Variants in MAD1L1 observed in about 807,000 individuals in gnomAD.
MAD1L1 encodes mitotic spindle assembly checkpoint protein MAD1.
A neutral mutation model predicts 96.9 loss-of-function variants in MAD1L1; 95 were observed. The ratio of observed to expected loss-of-function variants is 0.98; its 90% CI spans 0.83 to 1.16. MAD1L1 has a LOEUF of 1.16. Among genes scored for constraint, MAD1L1 ranks in the 50% most tolerant of loss-of-function variants. The pLI, the probability that MAD1L1 is intolerant of heterozygous loss-of-function variation, is 0.00. For missense variants in MAD1L1, 1,007 were observed against 954.4 expected (o/e 1.06, Z -0.73); for synonymous variants, 473 against 396.6 (o/e 1.19, Z -2.29).
intron 18 of MAD1L1, among the ~76,000 whole-genome samples, chr7:1,891,120 A>C (rs1225833512): frequency 1.3e-5 from 2 of 152,242 alleles, no homozygotes; most frequent in African/African-American, 2.4e-5. Context: ...CCGGGCCAGC[A>C]CAAGGACGAG....
At chr7:1,942,491 C>T (rs944513639) in intron 16 of MAD1L1, among the ~76,000 whole-genome samples, 17 of 152,348 alleles carry the variant, frequency 1.1e-4, no homozygotes, top group Non-Finnish European at 1.3e-4. Context: ...AATGGGAGCC[C>T]TGTGCTGAGG....
chr7:1,915,806 C>T (rs1237574162), intron 17 of MAD1L1, among the ~76,000 whole-genome samples: 1 of 152,162 alleles, frequency 6.6e-6, no homozygotes, highest in Non-Finnish European at 1.5e-5. Context: ...CGAACAGAAC[C>T]AGCGGGATAA....
chr7:1,898,991 C>T (rs1008749486), intron 17 of MAD1L1, among the ~76,000 whole-genome samples: 4 of 152,210 alleles, frequency 2.6e-5, no homozygotes, highest in Admixed American at 6.5e-5. Context: ...GGCAGGAGGC[C>T]ACCGGGACGT....
At chr7:2,023,150 G>A (rs1302751363) in intron 12 of MAD1L1, among the ~76,000 whole-genome samples, 3 of 152,148 alleles carry the variant, frequency 2.0e-5, no homozygotes, top group Non-Finnish European at 4.4e-5. Flanking sequence ...AAATCAGTGA[G>A]GACACAGCAG....
intron 4 of MAD1L1, among the ~76,000 whole-genome samples, chr7:2,225,025 G>A (rs1318160963): frequency 6.6e-6 from 1 of 152,202 alleles, no homozygotes; most frequent in African/African-American, 2.4e-5. Flanking sequence ...CCCAGCAAAA[G>A]AATCTGTGCC....
intron 17 of MAD1L1, among the ~76,000 whole-genome samples, chr7:1,933,012 T>C (rs1422137873): frequency 6.6e-6 from 1 of 152,248 alleles, no homozygotes; most frequent in African/African-American, 2.4e-5. Context: ...TGCCCTGTTG[T>C]TTGGTTGCTG....
intron 17 of MAD1L1, among the ~76,000 whole-genome samples, chr7:1,924,174 A>G (rs1219510764): frequency 6.6e-6 from 1 of 152,206 alleles, no homozygotes; most frequent in Non-Finnish European, 1.5e-5. Flanking sequence ...AAGTGATTGG[A>G]AAACACAGAC....
chr7:1,894,998 A>G (rs1786778317), intron 18 of MAD1L1, among the ~76,000 whole-genome samples: 1 of 152,176 alleles, frequency 6.6e-6, no homozygotes, highest in Non-Finnish European at 1.5e-5. Flanking sequence ...AACCTCCGGC[A>G]GACTCGCCTG....
At chr7:1,965,076 TCCA>T (rs1780106742) in intron 15 of MAD1L1, among the ~76,000 whole-genome samples, 1 of 152,196 alleles carries the variant, frequency 6.6e-6, no homozygotes, top group Non-Finnish European at 1.5e-5. Context: ...AATGGCTAGC[TCCA>T]CGTTTCCAGC....
intron 18 of MAD1L1, among the ~76,000 whole-genome samples, chr7:1,887,316 T>C (rs948685440): frequency 6.6e-6 from 1 of 151,848 alleles, no homozygotes; most frequent in African/African-American, 2.4e-5. Context: ...TGTGTGTGCA[T>C]GCATGCGCAT....
chr7:1,855,496 T>A (rs1045811439), intron 18 of MAD1L1, among the ~76,000 whole-genome samples: 1 of 151,842 alleles, frequency 6.6e-6, no homozygotes, highest in Non-Finnish European at 1.5e-5. Context: ...TGGCCAAATC[T>A]CCAGTCTCAT....
chr7:2,007,971 C>A (rs1479380976), intron 13 of MAD1L1, among the ~76,000 whole-genome samples: 1 of 152,238 alleles, frequency 6.6e-6, no homozygotes, highest in Non-Finnish European at 1.5e-5. Context: ...GACACAGCAA[C>A]TGCAGGACTC....
intron 11 of MAD1L1, among the ~76,000 whole-genome samples, chr7:2,077,004 G>A: frequency 6.7e-6 from 1 of 150,304 alleles, no homozygotes; most frequent in East Asian, 2.0e-4. Flanking sequence ...TTATGACACA[G>A]TGAGCTCACG....
chr7:2,020,333 C>T (rs142361297), intron 12 of MAD1L1, among the ~76,000 whole-genome samples: 85 of 152,342 alleles, frequency 5.6e-4, no homozygotes, highest in Admixed American at 1.4e-3. Context: ...ACAGCCCCAG[C>T]GTGACCCCAG....
intron 11 of MAD1L1, among the ~76,000 whole-genome samples, chr7:2,109,053 A>T (rs1468743973): frequency 1.3e-5 from 2 of 152,014 alleles, no homozygotes; most frequent in African/African-American, 4.8e-5. Context: ...GCCTCCCCGC[A>T]CCCGCTCTGC....
intron 17 of MAD1L1, among the ~76,000 whole-genome samples, chr7:1,913,507 C>T (rs1030098311): frequency 1.3e-5 from 2 of 152,034 alleles, no homozygotes; most frequent in African/African-American, 2.4e-5. Context: ...GTAGCGGCAG[C>T]CAGGCCCCTT....
intron 17 of MAD1L1, among the ~76,000 whole-genome samples, chr7:1,899,978 C>T (rs1787141187): frequency 6.6e-6 from 1 of 152,218 alleles, no homozygotes; most frequent in African/African-American, 2.4e-5. Flanking sequence ...ACCCCTTCAC[C>T]CCATCTCCCA....
chr7:1,826,493 C>A (rs959589870), intron 18 of MAD1L1, among the ~76,000 whole-genome samples: 14 of 152,300 alleles, frequency 9.2e-5, no homozygotes, highest in Non-Finnish European at 1.9e-4. Context: ...CTCAGCTCCG[C>A]GGAGCTCCTG....
chr7:1,955,300 G>A (rs948215462), intron 16 of MAD1L1, among the ~76,000 whole-genome samples: 6 of 152,154 alleles, frequency 3.9e-5, no homozygotes, highest in East Asian at 3.9e-4. Flanking sequence ...GTGCAGGGGC[G>A]GCAGCCGGCT....
Sources: allele counts gnomAD v4.1 joint callset (sites outside exome capture counted in the v4.1 genomes callset), GRCh38; gene constraint gnomAD v4.1.1; transcripts MANE v1.5; gene names NCBI Gene and HGNC (gene_info 2026-07-23, HGNC 2026-07-21).